DMD: variants seen among roughly 807,000 people sequenced by gnomAD.
The protein encoded by DMD is dystrophin.
A neutral mutation model predicts 330.1 loss-of-function variants in DMD; 63 were observed. The ratio of observed to expected loss-of-function variants is 0.19; its 90% confidence interval spans 0.16 to 0.24. The LOEUF (loss-of-function observed/expected upper bound fraction) is 0.24, where lower values mean the gene tolerates loss of function less well. Among genes scored for constraint, DMD ranks in the 10% least tolerant of loss-of-function variants. DMD has a pLI of 1.00. For missense variants in DMD, 3,344 were observed against 2,684.1 expected, an observed-to-expected ratio of 1.25 and a Z score of -5.43; for synonymous variants, 1,223 against 959.8, an observed-to-expected ratio of 1.27 and a Z score of -5.07.
intron 1 of DMD, among the ~76,000 whole-genome samples, chrX:33,138,487 T>TAAG (rs1262181611): frequency 8.9e-6 from 1 of 111,997 alleles, no homozygotes; most frequent in African/African-American, 3.2e-5. Flanking sequence ...GAAAGAGATA[T>TAAG]AAGTACAATT....
At chrX:31,899,546 T>TA (rs2094394671) in intron 47 of DMD, among the ~76,000 whole-genome samples, 2 of 111,399 alleles carry the variant, frequency 1.8e-5, no homozygotes, top group South Asian at 7.5e-4. Flanking sequence ...TAAATATCGA[T>TA]ACAACTATTT....
At chrX:31,559,078 G>T (rs960156763) in intron 55 of DMD, among the ~76,000 whole-genome samples, 10 of 112,327 alleles carry the variant, frequency 8.9e-5, no homozygotes, top group African/African-American at 3.2e-4. Context: ...ACCACTGGAA[G>T]ATGACTTTCA....
chrX:31,308,766 G>T (rs1266479831), intron 62 of DMD, among the ~76,000 whole-genome samples: 1 of 109,953 alleles, frequency 9.1e-6, no homozygotes, highest in African/African-American at 3.3e-5. Context: ...TCTCAACTCT[G>T]TCGCCCTGGC....
intron 41 of DMD, among the ~76,000 whole-genome samples, chrX:32,313,044 C>G (rs1356622336): frequency 9.4e-6 from 1 of 105,989 alleles, no homozygotes; most frequent in Non-Finnish European, 1.9e-5. Context: ...TAAAACTATT[C>G]CAAGCAATAC....
chrX:32,492,472 G>A (rs1388618407), intron 19 of DMD, among the ~76,000 whole-genome samples: 1 of 112,283 alleles, frequency 8.9e-6, no homozygotes, highest in African/African-American at 3.2e-5. Flanking sequence ...ACCAAACCCA[G>A]AAAACTTTAT....
At chrX:32,956,836 C>T (rs2091622926) in intron 2 of DMD, among the ~76,000 whole-genome samples, 1 of 111,170 alleles carries the variant, frequency 9.0e-6, no homozygotes, top group African/African-American at 3.3e-5. Context: ...TGCCCACACC[C>T]CAGTGAAAAA....
chrX:32,600,488 G>A (rs2056067733), intron 12 of DMD, among the ~76,000 whole-genome samples: 1 of 96,749 alleles, frequency 1.0e-5, no homozygotes, highest in African/African-American at 4.1e-5. Flanking sequence ...AAGAACAGCT[G>A]TTACCTATAT....
intron 1 of DMD, among the ~76,000 whole-genome samples, chrX:33,257,750 G>A (rs766265359): frequency 1.8e-5 from 2 of 110,619 alleles, no homozygotes; most frequent in Admixed American, 9.6e-5. Flanking sequence ...ATTTTTCCAA[G>A]CTTCTTGTCC....
chrX:31,446,719 C>A (rs1319032914), intron 59 of DMD, among the ~76,000 whole-genome samples: 1 of 112,084 alleles, frequency 8.9e-6, no homozygotes, highest in African/African-American at 3.2e-5. Context: ...TTTTGTTTTG[C>A]ATAATAGAAA....
intron 44 of DMD, among the ~76,000 whole-genome samples, chrX:32,045,027 T>A (rs191857617): frequency 0.011 from 1,220 of 110,591 alleles, 7 homozygotes; most frequent in Non-Finnish European, 0.015. Flanking sequence ...TGGGGACAGA[T>A]CCCTCATGGT....
At chrX:31,266,982 AG>A (rs1246224804) in intron 62 of DMD, 6 of 921,646 alleles carry the variant, frequency 6.5e-6, no homozygotes, top group Non-Finnish European at 8.7e-6. Context: ...CGGGCCGGGG[AG>A]GGGGCGCTGC....
intron 52 of DMD, among the ~76,000 whole-genome samples, chrX:31,690,077 A>C (rs1250743228): frequency 3.6e-5 from 4 of 112,194 alleles, no homozygotes; most frequent in Admixed American, 1.9e-4. Flanking sequence ...TTCATGTCTA[A>C]AACACCAAAA....
intron 2 of DMD, among the ~76,000 whole-genome samples, chrX:33,008,984 A>G (rs1270452786): frequency 1.0e-5 from 1 of 99,673 alleles, no homozygotes; most frequent in African/African-American, 3.6e-5. Context: ...ACACTTATGT[A>G]TATATACGTG....
chrX:32,060,994 G>A (rs760352282), intron 44 of DMD, among the ~76,000 whole-genome samples: 1 of 111,009 alleles, frequency 9.0e-6, no homozygotes, highest in African/African-American at 3.3e-5. Context: ...AACGCACTTT[G>A]GCCTGGCACA....
At chrX:32,091,083 C>T (rs941943426) in intron 44 of DMD, among the ~76,000 whole-genome samples, 5 of 112,051 alleles carry the variant, frequency 4.5e-5, no homozygotes, top group African/African-American at 1.3e-4. Context: ...AACACACTTG[C>T]GGCGTAGCAG....
chrX:32,745,868 G>C (rs1225975439), intron 7 of DMD, among the ~76,000 whole-genome samples: 5 of 111,941 alleles, frequency 4.5e-5, no homozygotes, highest in Non-Finnish European at 9.4e-5. Flanking sequence ...AAACTGATAA[G>C]CTGCAAAATT....
intron 44 of DMD, among the ~76,000 whole-genome samples, chrX:32,156,667 C>T (rs1051033274): frequency 2.7e-5 from 3 of 109,209 alleles, no homozygotes; most frequent in Non-Finnish European, 3.8e-5. Context: ...CACACACACA[C>T]GCACGCAATT....
chrX:31,123,059 A>T (rs756012263), intron 78 of DMD, among the ~76,000 whole-genome samples: 59 of 104,131 alleles, frequency 5.7e-4, no homozygotes, highest in Non-Finnish European at 9.7e-4. Flanking sequence ...ATTGTTAAAA[A>T]TACCAATAAA....
At chrX:32,713,022 G>A (rs1278516356) in intron 7 of DMD, among the ~76,000 whole-genome samples, 1 of 111,020 alleles carries the variant, frequency 9.0e-6, no homozygotes, top group African/African-American at 3.3e-5. Flanking sequence ...CCCTAATTGT[G>A]TACTAAATTT....
Sources: allele counts gnomAD v4.1 joint callset (sites outside exome capture counted in the v4.1 genomes callset), GRCh38; gene constraint gnomAD v4.1.1; transcripts MANE v1.5; gene names NCBI Gene and HGNC (gene_info 2026-07-23, HGNC 2026-07-21).